Variants in CYP2C19 observed in about 807,000 individuals in gnomAD.
The protein encoded by CYP2C19 is cytochrome P450 family 2 subfamily C member 19, also known as cytochrome P450 2C19.
In CYP2C19, 59 loss-of-function variants were observed where a neutral mutation model predicts 40.9. The ratio of observed to expected loss-of-function variants is 1.44; its 90% CI spans 1.17 to 1.79. The LOEUF is 1.79. Among genes scored for constraint, CYP2C19 ranks in the 40% most tolerant of loss-of-function variants. The pLI is 0.00. For synonymous variants in CYP2C19, 253 were observed against 208.7 expected (o/e 1.21, Z -1.83); for missense variants, 754 against 596.9 (o/e 1.26, Z -2.74).
chr10:94,779,762 G>A (rs1248445336), intron 3 of CYP2C19, among the ~76,000 whole-genome samples: 1 of 151,822 alleles, frequency 6.6e-6, no homozygotes, highest in Non-Finnish European at 1.5e-5. Flanking sequence ...GGTTCACCAT[G>A]TTGGCCAGGC....
At chr10:94,842,323 T>A (rs768180051) in intron 6 of CYP2C19, among the ~76,000 whole-genome samples, 11 of 152,114 alleles carry the variant, frequency 7.2e-5, no homozygotes, top group Non-Finnish European at 1.6e-4. Context: ...CTCTTTTTTT[T>A]ATTTCCTTTG....
At chr10:94,821,141 A>G (rs189901159) in intron 6 of CYP2C19, among the ~76,000 whole-genome samples, 2 of 152,286 alleles carry the variant, frequency 1.3e-5, no homozygotes, top group African/African-American at 4.8e-5. Context: ...TGCACAGTAG[A>G]GGAAGATAAC....
chr10:94,792,820 C>T (rs1425492390), intron 5 of CYP2C19, among the ~76,000 whole-genome samples: 1 of 152,084 alleles, frequency 6.6e-6, no homozygotes, highest in Non-Finnish European at 1.5e-5. Flanking sequence ...GTGAATCTGA[C>T]AATTATGTGT....
intron 6 of CYP2C19, among the ~76,000 whole-genome samples, chr10:94,828,411 T>G: frequency 6.6e-6 from 1 of 150,530 alleles, no homozygotes; most frequent in Non-Finnish European, 1.5e-5. Flanking sequence ...CCTTTACCAT[T>G]ATGTAATGGC....
chr10:94,776,209 T>C (rs1440349710), intron 3 of CYP2C19: 1 of 152,194 alleles, frequency 6.6e-6, no homozygotes, highest in African/African-American at 2.4e-5. Context: ...ATGACATAAT[T>C]CTGTGAAATA....
chr10:94,847,358 G>C (rs547950170), intron 7 of CYP2C19, among the ~76,000 whole-genome samples: 8 of 152,186 alleles, frequency 5.3e-5, no homozygotes, highest in African/African-American at 1.9e-4. Flanking sequence ...ATAGTTTGCT[G>C]AGAATGATGG....
chr10:94,771,551 T>C (rs2134233674), intron 1 of CYP2C19, among the ~76,000 whole-genome samples: 1 of 152,204 alleles, frequency 6.6e-6, no homozygotes, highest in African/African-American at 2.4e-5. Flanking sequence ...CAGGCCATAG[T>C]GCAGAAAAAA....
chr10:94,808,190 T>A (rs945130820), intron 5 of CYP2C19, among the ~76,000 whole-genome samples: 5 of 152,154 alleles, frequency 3.3e-5, no homozygotes, highest in Non-Finnish European at 5.9e-5. Context: ...CATGGAATAA[T>A]TTCTGTGTTC....
Position 94,820,720 on chromosome 10 carries a change from T to C in CYP2C19, c.961+83T>C, listed in dbSNP as rs866547936. On this transcript the variant is annotated intron_variant, in intron 6 of 8. Coordinates refer to ENST00000371321, the MANE Select transcript of CYP2C19 (RefSeq NM_000769.4). Reference sequence around the variant, plus strand: ...CTAGTGTTCTCCTTTCTGTTTCTCTTAGAGAAGTTCCATTATTTAAATTTC... The same window carrying C: ...CTAGTGTTCTCCTTTCTGTTTCTCTCAGAGAAGTTCCATTATTTAAATTTC... 2.8e-5 allele frequency: 43 copies of C among 1,543,452 alleles called. No individual in the cohort carries two copies. The Middle Eastern group carries it at 2.5e-3, about 91-fold the overall frequency.
intron 5 of CYP2C19, among the ~76,000 whole-genome samples, chr10:94,812,174 C>A (rs12572085): frequency 1.3e-5 from 2 of 152,020 alleles, no homozygotes; most frequent in Non-Finnish European, 2.9e-5. Context: ...GTTGAAAATT[C>A]TTTTCTTTAA....
intron 6 of CYP2C19, among the ~76,000 whole-genome samples, chr10:94,829,217 C>G (rs1210006165): frequency 6.6e-6 from 1 of 152,184 alleles, no homozygotes; most frequent in Non-Finnish European, 1.5e-5. Flanking sequence ...GCCTGCCGTG[C>G]TAGATTGGGG....
intron 5 of CYP2C19, among the ~76,000 whole-genome samples, chr10:94,815,608 G>A (rs1406209775): frequency 1.3e-5 from 2 of 152,026 alleles, no homozygotes; most frequent in Non-Finnish European, 2.9e-5. Context: ...ATTCCCTGTG[G>A]GCAATTAATG....
intron 6 of CYP2C19, among the ~76,000 whole-genome samples, chr10:94,825,382 T>G (rs1158386235): frequency 6.7e-6 from 1 of 149,820 alleles, no homozygotes; most frequent in Non-Finnish European, 1.5e-5. Context: ...CATTGTGGTT[T>G]TGATTTGCAT....
chr10:94,795,133 T>G (rs530013041), intron 5 of CYP2C19, among the ~76,000 whole-genome samples: 3 of 150,462 alleles, frequency 2.0e-5, no homozygotes, highest in African/African-American at 7.3e-5. Flanking sequence ...TAGGTATATC[T>G]CCTAATGTTA....
At chr10:94,798,203 T>C (rs934816752) in intron 5 of CYP2C19, among the ~76,000 whole-genome samples, 2 of 152,184 alleles carry the variant, frequency 1.3e-5, no homozygotes, top group African/African-American at 4.8e-5. Flanking sequence ...TTTGTTCTCA[T>C]TGGTTTCAAA....
Position 94,781,871 on chromosome 10 carries a change from C to A in CYP2C19, c.693C>A (p.Asn231Lys), listed in dbSNP as rs770126483. 2.7e-6 allele frequency: 4 copies of A among 1,489,698 alleles called. No homozygotes were observed. Among genetic ancestry groups the A allele is most frequent in the South Asian group, 1.5e-5 (1 of 68,514 alleles). 92.3% of individuals were successfully genotyped at this position (1,489,698 alleles called of 1,614,324 possible). Residue 231 changes from asparagine to lysine, a missense_variant, in exon 5 of 9, where the codon AAC (asparagine) becomes AAA (lysine). By Grantham distance (94) the Asn-to-Lys change is moderately conservative. Transcript: ENST00000371321. ...TIIDYFPGTHNKLLKNLAFME... is the reference protein window; with the variant it reads ...TIIDYFPGTHKKLLKNLAFME... Reference sequence around the variant, plus strand: ...TTGATTATTTCCCGGGAACCCATAACAAATTACTTAAAAACCTTGCTTTTA... The same window carrying A: ...TTGATTATTTCCCGGGAACCCATAAAAAATTACTTAAAAACCTTGCTTTTA...
chr10:94,802,886 A>T (rs1365138539), intron 5 of CYP2C19, among the ~76,000 whole-genome samples: 1 of 151,958 alleles, frequency 6.6e-6, no homozygotes, highest in Non-Finnish European at 1.5e-5. Flanking sequence ...GAAAATTATT[A>T]TTTTTTTAAG....
At chr10:94,832,470 C>T (rs928745485) in intron 6 of CYP2C19, among the ~76,000 whole-genome samples, 31 of 152,122 alleles carry the variant, frequency 2.0e-4, no homozygotes, top group Non-Finnish European at 8.8e-5. Context: ...CCCCACATGG[C>T]CTTGTACTTG....
chr10:94,822,032 A>G (rs2134269753), intron 6 of CYP2C19, among the ~76,000 whole-genome samples: 1 of 152,214 alleles, frequency 6.6e-6, no homozygotes, highest in East Asian at 1.9e-4. Context: ...ATAAGTGAGA[A>G]CAGGTGGTAT....
Sources: allele counts gnomAD v4.1 joint callset (sites outside exome capture counted in the v4.1 genomes callset), GRCh38; gene constraint gnomAD v4.1.1; transcripts MANE v1.5; gene names NCBI Gene and HGNC (gene_info 2026-07-23, HGNC 2026-07-21).